The following HNF4G variants were observed in gnomAD, a reference collection of about 807,000 sequenced individuals.
The protein encoded by HNF4G is hepatocyte nuclear factor 4-gamma.
Under a neutral mutation model 50.9 loss-of-function variants are expected in HNF4G, and 21 were observed. The ratio of observed to expected loss-of-function variants is 0.41; its 90% CI spans 0.29 to 0.59. HNF4G has a LOEUF of 0.59. Ranked by LOEUF, HNF4G falls within the 20% of genes least tolerant of loss-of-function variation. The pLI is 0.26. For missense variants in HNF4G, 527 were observed against 559.4 expected (o/e 0.94, Z 0.58); for synonymous variants, 198 against 185.6 (o/e 1.07, Z -0.54).
rs563024822 is a variant in HNF4G at position 75,466,827 on chromosome 8, G to A, written c.-143-23262G>A. Among the ~76,000 whole-genome samples, 354 of 152,040 alleles carry A rather than the reference G, an allele frequency of 2.3e-3. 3 individuals are homozygous for A. Among genetic ancestry groups the A allele is most frequent in the African/African-American group, 8.0e-3 (332 of 41,480 alleles). On this transcript the variant is annotated intron_variant, in intron 1 of 10. Transcript: ENST00000354370. ...GCCTTCCAAGTAGCTGGGACTACAG[G>A]TGCCTGCCACCATGCCTGGCTAATT...
At chr8:75,451,391 A>G (rs1406435198) in intron 1 of HNF4G, among the ~76,000 whole-genome samples, 1 of 151,922 alleles carries the variant, frequency 6.6e-6, no homozygotes, top group Admixed American at 6.6e-5. Flanking sequence ...TTTTATAGCC[A>G]TATCCAAAAA....
intron 1 of HNF4G, among the ~76,000 whole-genome samples, chr8:75,469,177 C>G (rs1234599331): frequency 6.6e-6 from 1 of 152,044 alleles, no homozygotes; most frequent in African/African-American, 2.4e-5. Flanking sequence ...TGGCAGATCC[C>G]AGGTGCACAA....
Position 75,512,959 on chromosome 8 carries a change from C to T in HNF4G, c.-24+22751C>T, listed in dbSNP as rs575060034. On this transcript the variant is annotated intron_variant, in intron 2 of 10. Transcript: ENST00000354370. ...TGATTGAGTTTATGTGTTTTTTGAA[C>T]GTCTAACACAATTTTATTATAAAAC... Among the ~76,000 whole-genome samples, 39 of 152,170 alleles carry T rather than the reference C, an allele frequency of 2.6e-4. No homozygotes were observed. In the East Asian group the frequency reaches 7.1e-3, roughly 28 times the overall value.
intron 2 of HNF4G, among the ~76,000 whole-genome samples, chr8:75,506,425 T>C (rs1470671254): frequency 6.6e-6 from 1 of 152,114 alleles, no homozygotes; most frequent in African/African-American, 2.4e-5. Flanking sequence ...TCTTCCCTCA[T>C]TTTATCCTTT....
chr8:75,563,793 G>A (rs1453233469), intron 9 of HNF4G, among the ~76,000 whole-genome samples, 182 bp from the exon 10 acceptor site: 2 of 152,048 alleles, frequency 1.3e-5, no homozygotes, highest in Non-Finnish European at 2.9e-5. Flanking sequence ...GGAAAGTAAG[G>A]TGAGAGTACT....
At chr8:75,436,082 G>T (rs1439313448) in intron 1 of HNF4G, among the ~76,000 whole-genome samples, 1 of 152,036 alleles carries the variant, frequency 6.6e-6, no homozygotes, top group African/African-American at 2.4e-5. Context: ...AAATTATAAG[G>T]TACCTCAGAA....
chr8:75,543,172 T>A (rs2977931), intron 1 of HNF4G, among the ~76,000 whole-genome samples: 101,077 of 152,030 alleles, frequency 0.66, 35,487 homozygotes, highest in African/African-American at 0.9. Context: ...GCACCACTAC[T>A]CTCTAGCCTG....
intron 1 of HNF4G, among the ~76,000 whole-genome samples, chr8:75,443,553 G>A (rs1305627108): frequency 6.6e-6 from 1 of 152,122 alleles, no homozygotes; most frequent in Non-Finnish European, 1.5e-5. Flanking sequence ...TGAGATGAGA[G>A]TCTCACTATG....
chr8:75,473,206 G>A (rs927057465), intron 1 of HNF4G, among the ~76,000 whole-genome samples: 6 of 151,986 alleles, frequency 3.9e-5, no homozygotes, highest in African/African-American at 1.5e-4. Context: ...CTACTCGGGA[G>A]GCTGAGGCAG....
intron 9 of HNF4G, among the ~76,000 whole-genome samples, chr8:75,562,196 C>G (rs569952881): frequency 6.6e-6 from 1 of 152,012 alleles, no homozygotes; most frequent in Non-Finnish European, 1.5e-5. Context: ...TACCACCTGA[C>G]TTCTAGGCAT....
intron 2 of HNF4G, among the ~76,000 whole-genome samples, chr8:75,518,322 T>C (rs1428069745): frequency 6.6e-6 from 1 of 151,994 alleles, no homozygotes; most frequent in African/African-American, 2.4e-5. Context: ...CAGGAACTCA[T>C]CATTTTTTAT....
At chr8:75,551,824 A>C (rs1020869212) in intron 4 of HNF4G, among the ~76,000 whole-genome samples, 1 of 152,234 alleles carries the variant, frequency 6.6e-6, no homozygotes, top group African/African-American at 2.4e-5. Context: ...GAATCTGTAC[A>C]ACCAGCTACC....
chr8:75,497,171 T>C (rs997570755), intron 2 of HNF4G, among the ~76,000 whole-genome samples: 11 of 152,064 alleles, frequency 7.2e-5, no homozygotes, highest in African/African-American at 2.7e-4. Flanking sequence ...CTGTTTTCTC[T>C]ATTGGCAGAA....
intron 2 of HNF4G, among the ~76,000 whole-genome samples, chr8:75,508,571 G>C (rs577988664): frequency 6.6e-6 from 1 of 152,152 alleles, no homozygotes; most frequent in African/African-American, 2.4e-5. Context: ...CAGCTAGTAG[G>C]TATACAGCTT....
rs1383859081 is a variant in HNF4G, at chr8:75,512,725, A to G, written c.-24+22517A>G. On this transcript the variant is annotated intron_variant, in intron 2 of 10. Coordinates refer to the HNF4G transcript ENST00000354370. ...GAGATCCGCCCGCCTCCACCTCCCG[A>G]ACTGCTGGGATTACAGGTGTGAGCC... 2.0e-5 allele frequency among the ~76,000 whole-genome samples: 3 copies of G among 151,966 alleles called. No homozygotes were observed. The East Asian group carries it at 5.8e-4, about 29-fold the overall frequency.
At chr8:75,449,833 G>C (rs956536725) in intron 1 of HNF4G, among the ~76,000 whole-genome samples, 11 of 152,086 alleles carry the variant, frequency 7.2e-5, no homozygotes, top group African/African-American at 2.7e-4. Flanking sequence ...TTTGTTGTGA[G>C]ATTTATGATA....
In HNF4G at chr8:75,558,544, A is replaced by G. The variant is rs1425567298; in HGVS notation, c.760A>G (p.Ser254Gly). 1.1e-5 allele frequency: 17 copies of G among 1,613,198 alleles called. No homozygotes were observed. Among genetic ancestry groups the G allele is most frequent in the Non-Finnish European group, 1.4e-5 (16 of 1,179,714 alleles). The stretch of plus-strand genomic sequence containing the variant: ...AAACAACTATGTTATTCACCGCAAC[A>G]GCTGTGAAGTTGAGATTAGCCGTGT... Reference protein sequence around the residue: ...LGNNYVIHRNSCEVEISRVAN... With the variant: ...LGNNYVIHRNGCEVEISRVAN... The change falls in exon 7 of 10, where the codon AGC (serine) becomes GGC (glycine). Residue 254 changes from serine (S) to glycine (G), a missense_variant. Physicochemically the swap from Ser to Gly is moderately conservative, Grantham distance 56 (BLOSUM62 0). Transcript: ENST00000396423.
chr8:75,425,204 C>A (rs1309189714), intron 1 of HNF4G, among the ~76,000 whole-genome samples: 1 of 151,964 alleles, frequency 6.6e-6, no homozygotes, highest in Non-Finnish European at 1.5e-5. Context: ...CCCGTCTCAG[C>A]CTCCCGAGTA....
Position 75,423,584 on chromosome 8 carries a change from G to A in HNF4G, c.-144+15422G>A, listed in dbSNP as rs371737441. Among the ~76,000 whole-genome samples, 182 of 151,592 alleles carry A rather than the reference G, an allele frequency of 1.2e-3. 1 individual carries two copies. The highest frequency in any genetic ancestry group is 3.8e-3 in the African/African-American group (158 of 41,414). On this transcript the variant is annotated intron_variant, in intron 1 of 10. Coordinates refer to the HNF4G transcript ENST00000354370. ...TTTTTGTATTTTTAGTAGAGACGGG[G>A]TTTCACCTTGTTAGCCAGGATGGTC...
Sources: gnomAD v4.1 joint callset for allele counts (sites outside exome capture counted in the v4.1 genomes callset) on GRCh38, gnomAD v4.1.1 for gene constraint, MANE v1.5 for transcripts, NCBI Gene and HGNC (gene_info 2026-07-23, HGNC 2026-07-21) for gene names.